The following ADAD1 variants were observed in gnomAD, a reference collection of about 807,000 sequenced individuals.
ADAD1 encodes the protein adenosine deaminase domain containing 1, also known as adenosine deaminase domain-containing protein 1.
A neutral mutation model predicts 66.8 loss-of-function variants in ADAD1; 46 were observed. That is an observed-to-expected ratio of 0.69 (90% CI 0.54 to 0.88). The LOEUF is 0.88. ADAD1 is among the 40% of genes least tolerant of loss of function. The probability of loss-of-function intolerance (pLI) is 0.00; values close to 1 mark genes in which losing one functional copy is unlikely to be tolerated. For synonymous variants in ADAD1, 248 were observed against 229.4 expected, an observed-to-expected ratio of 1.08 and a Z score of -0.73; for missense variants, 617 against 681.8, an observed-to-expected ratio of 0.91 and a Z score of 1.06.
chr4:122,380,830 G>A (rs945908723), intron 3 of ADAD1, among the ~76,000 whole-genome samples, 162 bp from the exon 4 acceptor site: 1 of 152,094 alleles, frequency 6.6e-6, no homozygotes, highest in Admixed American at 6.5e-5. Context: ...AATAACATGT[G>A]GTGCTTGTCA....
intron 8 of ADAD1, among the ~76,000 whole-genome samples, chr4:122,409,710 T>C (rs969560826): frequency 2.6e-5 from 4 of 152,164 alleles, no homozygotes; most frequent in African/African-American, 9.7e-5. Flanking sequence ...TTTTGTTTGT[T>C]TGTTTTTGAG....
At chr4:122,380,418 C>T (rs139097486) in intron 3 of ADAD1, 177 bp downstream of exon 3, 721 of 695,704 alleles carry the variant, frequency 1.0e-3, no homozygotes, top group Middle Eastern at 7.3e-3. Context: ...GAGCTCTTTA[C>T]CTGTGCCGCT....
chr4:122,423,851 G>T (rs573010928), intron 12 of ADAD1, among the ~76,000 whole-genome samples: 1 of 152,318 alleles, frequency 6.6e-6, no homozygotes, highest in South Asian at 2.1e-4. Flanking sequence ...GGTGCTAGAG[G>T]AGGAAGAATT....
At chr4:122,411,870 C>T (rs1375160546) in intron 9 of ADAD1, among the ~76,000 whole-genome samples, 4 of 152,144 alleles carry the variant, frequency 2.6e-5, no homozygotes, top group Non-Finnish European at 5.9e-5. Flanking sequence ...TTAAAAAAAT[C>T]TTCTACTCCT....
intron 2 of ADAD1, 42 bp from the exon 3 acceptor site, chr4:122,380,020 G>A: frequency 6.4e-7 from 1 of 1,553,492 alleles, no homozygotes; most frequent in Non-Finnish European, 8.7e-7. Context: ...AGTTTACATA[G>A]CGTTTTGTCT....
chr4:122,429,042 G>A (rs894740705), intron 12 of ADAD1, among the ~76,000 whole-genome samples: 17 of 151,680 alleles, frequency 1.1e-4, no homozygotes, highest in Non-Finnish European at 2.1e-4. Context: ...TGTGATTACC[G>A]ATAATTTTTA....
Position 122,379,024 on chromosome 4 carries a change from C to G in ADAD1, c.-174C>G, listed in dbSNP as rs932615044. The G allele has an allele frequency of 1.3e-5, 2 of 152,326 alleles. No homozygotes were observed. Among genetic ancestry groups the G allele is most frequent in the Admixed American group, 1.3e-4 (2 of 15,274 alleles). 9.4% of individuals were successfully genotyped at this position (152,326 alleles called of 1,614,324 possible). A position where few individuals can be genotyped will look rare whatever the true frequency, so the allele number is the denominator to read the frequency against. On this transcript the variant is annotated 5_prime_UTR_variant, in exon 1 of 13. Coordinates refer to ENST00000296513, the MANE Select transcript of ADAD1 (RefSeq NM_139243.4). ...GGTAGTTTTTCTGTAAACAGGAAGG[C>G]CACAGTGGAGGCCAAGCCTTCCCCA...
chr4:122,424,104 T>A (rs766071712), intron 12 of ADAD1, among the ~76,000 whole-genome samples: 4 of 152,292 alleles, frequency 2.6e-5, no homozygotes, highest in Non-Finnish European at 4.4e-5. Flanking sequence ...AACCAAGGAT[T>A]CTATGTCCAG....
chr4:122,381,198 T>C lies in ADAD1; in HGVS notation c.361+18T>C. ...GACAACAGGCAAGTGTAAAATTGTA[T>C]TTGTCTCAAAAACAAAACGAAAAGT... On this transcript the variant is annotated intron_variant, in intron 4 of 12. Transcript: ENST00000296513. The C allele has an allele frequency of 6.5e-7, 1 of 1,533,272 alleles. No individual in the cohort carries two copies. The highest frequency in any genetic ancestry group is 8.7e-7 in the Non-Finnish European group (1 of 1,150,082). 95.0% of individuals were successfully genotyped at this position (1,533,272 alleles called of 1,614,324 possible).
intron 5 of ADAD1, among the ~76,000 whole-genome samples, chr4:122,384,652 C>T (rs1380172083): frequency 6.6e-6 from 1 of 152,154 alleles, no homozygotes; most frequent in Admixed American, 6.5e-5. Flanking sequence ...TCCTAAGCAT[C>T]CAGTTAAATT....
chr4:122,409,168 A>T (rs1247814694), intron 8 of ADAD1, among the ~76,000 whole-genome samples: 1 of 152,170 alleles, frequency 6.6e-6, no homozygotes, highest in Non-Finnish European at 1.5e-5. Context: ...GAGCATGCCT[A>T]GTTTCTTTTT....
rs777700494 is a variant in ADAD1 at position 122,429,769 on chromosome 4, CTTGTT to C, written c.*37_*41del. 2.5e-5 allele frequency: 37 copies of C among 1,485,452 alleles called. No individual in the cohort carries two copies. Among genetic ancestry groups the C allele is most frequent in the Non-Finnish European group, 3.3e-5 (35 of 1,075,906 alleles). 92.0% of individuals were successfully genotyped at this position (1,485,452 alleles called of 1,614,324 possible). A position where few individuals can be genotyped will look rare whatever the true frequency, so the allele number is the denominator to read the frequency against. On this transcript the variant is annotated 3_prime_UTR_variant, in exon 13 of 13. Transcript: ENST00000296513. ...GGCAATCCATTATCACATTAAAAAT[CTTGTT>C]TTGTTTGGTGTGTTTTGACTAGTAA...
chr4:122,417,912 T>G (rs1157921808), intron 11 of ADAD1, among the ~76,000 whole-genome samples: 1 of 152,082 alleles, frequency 6.6e-6, no homozygotes, highest in Non-Finnish European at 1.5e-5. Flanking sequence ...AAATATAAAC[T>G]GAAATTGCAG....
intron 11 of ADAD1, among the ~76,000 whole-genome samples, chr4:122,418,530 T>G (rs969480053): frequency 2.0e-5 from 3 of 151,960 alleles, no homozygotes; most frequent in Admixed American, 6.6e-5. Flanking sequence ...CACCGTGTTA[T>G]CCAGGATGGT....
chr4:122,423,632 A>C (rs1232726338), intron 12 of ADAD1, among the ~76,000 whole-genome samples: 2 of 152,230 alleles, frequency 1.3e-5, no homozygotes, highest in African/African-American at 4.8e-5. Flanking sequence ...TGAAAAATAC[A>C]TAGTTCTTAA....
At chr4:122,396,538 T>C (rs982818438) in intron 7 of ADAD1, among the ~76,000 whole-genome samples, 161 bp downstream of exon 7, 1 of 152,192 alleles carries the variant, frequency 6.6e-6, no homozygotes, top group African/African-American at 2.4e-5. Flanking sequence ...AAGGTAGAGA[T>C]AAAGCACACT....
chr4:122,425,769 TAAGGGACTTGA>T (rs896808616), intron 12 of ADAD1, among the ~76,000 whole-genome samples: 1 of 152,004 alleles, frequency 6.6e-6, no homozygotes, highest in African/African-American at 2.4e-5. Flanking sequence ...CCATTTTATA[TAAGGGACTTGA>T]GCATCTGCAG....
rs550487433 is a variant in ADAD1 at position 122,390,351 on chromosome 4, T to C, written c.530-3238T>C. ...ATTATGTGTCTTGGGGTTGATCTTC[T>C]TGTGGAGTATCTTAATGGTGTTCTC... On this transcript the variant is annotated intron_variant, in intron 5 of 12. Transcript: ENST00000296513. Among the ~76,000 whole-genome samples, 8 of 152,326 alleles carry C rather than the reference T, an allele frequency of 5.3e-5. No individual in the cohort carries two copies. In the East Asian group the frequency reaches 1.4e-3, roughly 26 times the overall value.
At chr4:122,421,234 T>A in intron 11 of ADAD1, 27 bp from the exon 12 acceptor site, 1 of 1,501,944 alleles carries the variant, frequency 6.7e-7, no homozygotes, top group Non-Finnish European at 9.0e-7. Context: ...AAAAGAAATT[T>A]AAAAAATTTT....
Sources: allele counts gnomAD v4.1 joint callset (sites outside exome capture counted in the v4.1 genomes callset), GRCh38; gene constraint gnomAD v4.1.1; transcripts MANE v1.5; gene names NCBI Gene and HGNC (gene_info 2026-07-23, HGNC 2026-07-21).